Variants in ARHGAP42 observed in about 807,000 individuals in gnomAD.
ARHGAP42 encodes rho GTPase-activating protein 42.
ARHGAP42 carries 63 observed loss-of-function variants against 125.0 expected under a neutral mutation model. The ratio of observed to expected loss-of-function variants is 0.50; its 90% CI spans 0.41 to 0.62. The LOEUF (loss-of-function observed/expected upper bound fraction) is 0.62. Among genes scored for constraint, ARHGAP42 ranks in the 20% least tolerant of loss-of-function variants. The pLI is 0.00. For synonymous variants in ARHGAP42, 339 were observed against 351.0 expected (o/e 0.97, Z 0.38); for missense variants, 766 against 1,024.2 (o/e 0.75, Z 3.44).
intron 1 of ARHGAP42, among the ~76,000 whole-genome samples, chr11:100,690,093 C>T (rs545530963): frequency 3.9e-5 from 6 of 152,246 alleles, no homozygotes; most frequent in East Asian, 3.9e-4. Context: ...ACTGTGGGAG[C>T]GTCCCTGTAC....
At chr11:100,728,713 CGTATATAT>C (rs1379584409) in intron 1 of ARHGAP42, among the ~76,000 whole-genome samples, 8,891 of 94,994 alleles carry the variant, frequency 0.094, 748 homozygotes, top group African/African-American at 0.15. Flanking sequence ...AATGACTTTG[CGTATATAT>C]ATATATATAT....
rs71465331 is a variant in ARHGAP42 at position 100,751,279 on chromosome 11, GTTTTTT to G, written c.155-19049_155-19044del. On this transcript the variant is annotated intron_variant, in intron 1 of 23. Transcript: ENST00000298815. ...TGTTATATATATAGTGTGTGTGTGT[GTTTTTT>G]TTTTTTTTTTTTTTGAAAGGGAGCC... Among the ~76,000 whole-genome samples the G allele has an allele frequency of 9.2e-4, 86 of 93,476 alleles. 1 individual carries two copies. Among genetic ancestry groups the G allele is most frequent in the African/African-American group, 2.2e-3 (44 of 20,222 alleles). 61.3% of individuals were successfully genotyped at this position (93,476 alleles called of 152,430 possible). A position where few individuals can be genotyped will look rare whatever the true frequency, so the allele number is the denominator to read the frequency against.
intron 6 of ARHGAP42, among the ~76,000 whole-genome samples, chr11:100,929,016 A>G (rs763074900): frequency 4.6e-5 from 7 of 152,190 alleles, no homozygotes; most frequent in Non-Finnish European, 8.8e-5. Context: ...TCCAAATATT[A>G]GTTGATAGGT....
intron 4 of ARHGAP42, among the ~76,000 whole-genome samples, chr11:100,874,760 A>G (rs1865771833): frequency 1.3e-5 from 2 of 152,124 alleles, no homozygotes; most frequent in South Asian, 4.1e-4. Context: ...TTTAAAATGT[A>G]TTCCTTTCCT....
intron 3 of ARHGAP42, among the ~76,000 whole-genome samples, chr11:100,858,355 A>G (rs551860): frequency 0.072 from 10,944 of 152,062 alleles, 547 homozygotes; most frequent in East Asian, 0.25. Flanking sequence ...TCCACTTTCT[A>G]TGCTTTCACA....
At chr11:100,903,316 G>A (rs965765814) in intron 4 of ARHGAP42, among the ~76,000 whole-genome samples, 2 of 151,628 alleles carry the variant, frequency 1.3e-5, no homozygotes, top group Non-Finnish European at 2.9e-5. Flanking sequence ...GTCAGATCCA[G>A]TACTTGTTAT....
chr11:100,694,026 G>A (rs112059306), intron 1 of ARHGAP42, among the ~76,000 whole-genome samples: 31 of 151,760 alleles, frequency 2.0e-4, no homozygotes, highest in African/African-American at 5.6e-4. Flanking sequence ...CTGCCTCCCC[G>A]GTTCAAGCAA....
chr11:100,812,559 T>A (rs1185855231), intron 3 of ARHGAP42, among the ~76,000 whole-genome samples: 1 of 152,156 alleles, frequency 6.6e-6, no homozygotes, highest in Non-Finnish European at 1.5e-5. Flanking sequence ...GTTTTTAATG[T>A]CAGGAAATCA....
intron 1 of ARHGAP42, among the ~76,000 whole-genome samples, chr11:100,717,819 G>A (rs11224406): frequency 0.063 from 9,368 of 149,220 alleles, 402 homozygotes; most frequent in East Asian, 0.21. Flanking sequence ...CCAGCTACTC[G>A]GGAGGCTGAG....
Position 100,896,978 on chromosome 11 carries a change from A to C in ARHGAP42, c.385-16474A>C, listed in dbSNP as rs1170996790. Among the ~76,000 whole-genome samples, 4 of 152,214 alleles carry C rather than the reference A, an allele frequency of 2.6e-5. 1 individual carries two copies. Among genetic ancestry groups the C allele is most frequent in the Non-Finnish European group, 5.9e-5 (4 of 68,046 alleles). On this transcript the variant is annotated intron_variant, in intron 4 of 23. Coordinates refer to ENST00000298815, the MANE Select transcript of ARHGAP42 (RefSeq NM_152432.4). ...TAGGGATTTTATGGTTTTAGGTCTA[A>C]CATTTAAGTCTTTAATCCATCTTGA...
intron 3 of ARHGAP42, among the ~76,000 whole-genome samples, chr11:100,817,033 A>G (rs1864282133): frequency 6.6e-6 from 1 of 152,228 alleles, no homozygotes; most frequent in Non-Finnish European, 1.5e-5. Context: ...CTGTCTCACC[A>G]GAAGTGAATC....
At chr11:100,742,794 T>C (rs1862216080) in intron 1 of ARHGAP42, among the ~76,000 whole-genome samples, 1 of 152,216 alleles carries the variant, frequency 6.6e-6, no homozygotes, top group Non-Finnish European at 1.5e-5. Flanking sequence ...CTCTGTGTTG[T>C]ATTGATCCTT....
chr11:100,948,608 T>TAC, intron 11 of ARHGAP42, 73 bp downstream of exon 11: 1 of 1,218,314 alleles, frequency 8.2e-7, no homozygotes, highest in South Asian at 1.4e-5. Context: ...ATTCTTTTCA[T>TAC]AGTATACAAT....
At chr11:100,918,696 T>C (rs1393746904) in intron 5 of ARHGAP42, among the ~76,000 whole-genome samples, 1 of 152,182 alleles carries the variant, frequency 6.6e-6, no homozygotes. Flanking sequence ...TGTAAAGAAA[T>C]TAAACTGTCA....
At chr11:100,930,723 G>T (rs943232402) in intron 6 of ARHGAP42, among the ~76,000 whole-genome samples, 1 of 152,178 alleles carries the variant, frequency 6.6e-6, no homozygotes, top group Non-Finnish European at 1.5e-5. Context: ...GCAGAGTTTA[G>T]TGGGAAATAT....
intron 4 of ARHGAP42, among the ~76,000 whole-genome samples, chr11:100,903,755 T>A (rs1486706697): frequency 1.6e-5 from 2 of 127,306 alleles, no homozygotes; most frequent in African/African-American, 6.1e-5. Context: ...TATATATATA[T>A]GTATGTAAAG....
At chr11:100,928,985 G>C (rs1480353919) in intron 6 of ARHGAP42, among the ~76,000 whole-genome samples, 4 of 152,070 alleles carry the variant, frequency 2.6e-5, no homozygotes, top group Non-Finnish European at 5.9e-5. Context: ...TTTATTGTAT[G>C]GATAGACCAC....
At chr11:100,763,804 C>T (rs1458601805) in intron 1 of ARHGAP42, among the ~76,000 whole-genome samples, 1 of 152,110 alleles carries the variant, frequency 6.6e-6, no homozygotes, top group Non-Finnish European at 1.5e-5. Flanking sequence ...TGTCTTTTAA[C>T]ATGGTGTTTT....
intron 3 of ARHGAP42, among the ~76,000 whole-genome samples, chr11:100,813,145 G>GT (rs1864186053): frequency 6.6e-6 from 1 of 151,796 alleles, no homozygotes; most frequent in Admixed American, 6.6e-5. Flanking sequence ...AAGGGAGGCG[G>GT]CAATGATGTG....
Sources: allele counts gnomAD v4.1 joint callset (sites outside exome capture counted in the v4.1 genomes callset), GRCh38; gene constraint gnomAD v4.1.1; transcripts MANE v1.5; gene names NCBI Gene and HGNC (gene_info 2026-07-23, HGNC 2026-07-21).